RPS6KC1: variants seen among roughly 807,000 people sequenced by gnomAD.
RPS6KC1 encodes inactive ribosomal protein S6 kinase delta-1.
In RPS6KC1, 54 loss-of-function variants were observed where a neutral mutation model predicts 103.8. That is an observed-to-expected ratio of 0.52 (90% CI 0.42 to 0.65). RPS6KC1 has a LOEUF of 0.65. Among genes scored for constraint, RPS6KC1 ranks in the 30% least tolerant of loss-of-function variants. RPS6KC1 has a pLI of 0.00. For synonymous variants in RPS6KC1, 439 were observed against 438.7 expected (o/e 1.00, Z -0.01); for missense variants, 1,151 against 1,253.8 (o/e 0.92, Z 1.24).
chr1:213,431,129 A>C, the RPS6KC1 span, among the ~76,000 whole-genome samples: 2 of 152,194 alleles, frequency 1.3e-5, no homozygotes, highest in Non-Finnish European at 2.9e-5. Context: ...TCTGGTGAGA[A>C]TATTTATTAT....
At chr1:213,722,898 G>C in the RPS6KC1 span, among the ~76,000 whole-genome samples, 1 of 152,172 alleles carries the variant, frequency 6.6e-6, no homozygotes, top group East Asian at 1.9e-4. Context: ...GAGTATTCTG[G>C]CCGGGCAAGG....
At chr1:213,509,576 G>A in the RPS6KC1 span, among the ~76,000 whole-genome samples, 2 of 152,178 alleles carry the variant, frequency 1.3e-5, no homozygotes, top group African/African-American at 4.8e-5. Flanking sequence ...CAAATGCGAA[G>A]TCTTTACACT....
At chr1:213,144,936 A>G (rs1340342901) in intron 6 of RPS6KC1, among the ~76,000 whole-genome samples, 2 of 152,000 alleles carry the variant, frequency 1.3e-5, no homozygotes, top group East Asian at 1.9e-4. Flanking sequence ...TTAGCTGGGC[A>G]TGGTGGTGGG....
Position 213,075,087 on chromosome 1 carries a change from A to G in RPS6KC1, c.142-2609A>G, listed in dbSNP as rs1218243812. On this transcript the variant is annotated intron_variant, in intron 2 of 14. Coordinates refer to ENST00000366960, the MANE Select transcript of RPS6KC1 (RefSeq NM_012424.6). Reference sequence around the variant, plus strand: ...AGGATGGTCTCAATCTCCTGACCTCATGATCCGCCCGCCTTGGCCTCCCAA... The same window carrying G: ...AGGATGGTCTCAATCTCCTGACCTCGTGATCCGCCCGCCTTGGCCTCCCAA... Among the ~76,000 whole-genome samples the G allele has an allele frequency of 2.0e-5, 3 of 151,764 alleles. No individual in the cohort carries two copies. The East Asian group carries it at 5.8e-4, about 29-fold the overall frequency.
At chr1:213,693,737 G>A in the RPS6KC1 span, among the ~76,000 whole-genome samples, 295 of 152,250 alleles carry the variant, frequency 1.9e-3, 2 homozygotes, top group African/African-American at 6.4e-3. Flanking sequence ...CTTTTTCGAT[G>A]GCTACGGAAA....
chr1:213,212,887 G>A (rs538554295), intron 8 of RPS6KC1, among the ~76,000 whole-genome samples: 25 of 152,218 alleles, frequency 1.6e-4, no homozygotes, highest in African/African-American at 5.5e-4. Flanking sequence ...GTTTGGTGAG[G>A]TGTCTGTTAG....
chr1:213,840,562 C>T, the RPS6KC1 span: 1 of 152,306 alleles, frequency 6.6e-6, no homozygotes, highest in East Asian at 1.9e-4. Flanking sequence ...AAAGGGTTTT[C>T]TTCCTCTGTA....
At chr1:213,503,800 C>T in the RPS6KC1 span, among the ~76,000 whole-genome samples, 1 of 152,140 alleles carries the variant, frequency 6.6e-6, no homozygotes, top group Non-Finnish European at 1.5e-5. Flanking sequence ...TGTATGGTGC[C>T]AGTACAAGTG....
At chr1:213,722,406 C>T in the RPS6KC1 span, among the ~76,000 whole-genome samples, 2 of 152,188 alleles carry the variant, frequency 1.3e-5, no homozygotes, top group South Asian at 4.1e-4. Flanking sequence ...TGTTACAATA[C>T]AGTTACACGT....
At chr1:213,259,660 G>A (rs1378890061) in intron 12 of RPS6KC1, among the ~76,000 whole-genome samples, 1 of 148,760 alleles carries the variant, frequency 6.7e-6, no homozygotes, top group South Asian at 2.1e-4. Context: ...AATTAGAATT[G>A]TATTGTTTTA....
chr1:213,859,973 A>G, the RPS6KC1 span, among the ~76,000 whole-genome samples: 1 of 145,516 alleles, frequency 6.9e-6, no homozygotes, highest in African/African-American at 2.8e-5. Context: ...TATACAGTCT[A>G]AACAAAAAAA....
At chr1:213,575,987 G>C in the RPS6KC1 span, among the ~76,000 whole-genome samples, 2 of 152,132 alleles carry the variant, frequency 1.3e-5, no homozygotes, top group Non-Finnish European at 2.9e-5. Context: ...GTAAAATGGG[G>C]GTTGTTTGAC....
intron 8 of RPS6KC1, among the ~76,000 whole-genome samples, chr1:213,181,386 A>G (rs537636160): frequency 4.4e-4 from 67 of 152,372 alleles, no homozygotes; most frequent in African/African-American, 1.6e-3. Flanking sequence ...TAATCAAGAT[A>G]GCTTCCCAAC....
chr1:213,385,822 C>T, the RPS6KC1 span, among the ~76,000 whole-genome samples: 2 of 152,208 alleles, frequency 1.3e-5, no homozygotes, highest in Non-Finnish European at 2.9e-5. Context: ...CCCTTCAGTG[C>T]TGCTACTGTT....
At chr1:213,408,836 A>G in the RPS6KC1 span, among the ~76,000 whole-genome samples, 2 of 152,238 alleles carry the variant, frequency 1.3e-5, no homozygotes, top group African/African-American at 2.4e-5. Flanking sequence ...AGCAAGTCAT[A>G]TTCTGCACTG....
chr1:213,593,784 G>T, the RPS6KC1 span, among the ~76,000 whole-genome samples: 1 of 152,170 alleles, frequency 6.6e-6, no homozygotes, highest in Non-Finnish European at 1.5e-5. Context: ...GCTGAGACCT[G>T]CATGCCCCGA....
the RPS6KC1 span, among the ~76,000 whole-genome samples, chr1:213,660,963 A>C: frequency 6.6e-6 from 1 of 152,218 alleles, no homozygotes; most frequent in Non-Finnish European, 1.5e-5. Context: ...CCAGGTAGTG[A>C]GGCTGTGTGC....
chr1:213,507,458 A>C, the RPS6KC1 span, among the ~76,000 whole-genome samples: 66 of 152,186 alleles, frequency 4.3e-4, no homozygotes, highest in Non-Finnish European at 8.5e-4. Flanking sequence ...GGAAAGAAGG[A>C]AAAGGACAGA....
chr1:213,214,602 G>A (rs2841429), intron 8 of RPS6KC1, among the ~76,000 whole-genome samples: 4,822 of 152,268 alleles, frequency 0.032, 270 homozygotes, highest in African/African-American at 0.11. Flanking sequence ...TGACCCCCGA[G>A]TAGCCTAACT....
Sources: allele counts gnomAD v4.1 joint callset (sites outside exome capture counted in the v4.1 genomes callset), GRCh38; gene constraint gnomAD v4.1.1; transcripts MANE v1.5; gene names NCBI Gene and HGNC (gene_info 2026-07-23, HGNC 2026-07-21).